The following ASIC2 variants were observed in gnomAD, a reference collection of about 807,000 sequenced individuals.
ASIC2 encodes the protein acid sensing ion channel subunit 2, also known as acid-sensing ion channel 2.
ASIC2 carries 25 observed loss-of-function variants against 57.3 expected under a neutral mutation model. That is an observed-to-expected ratio of 0.44 (90% confidence interval 0.32 to 0.61). The LOEUF (loss-of-function observed/expected upper bound fraction) is 0.61, where lower values mean the gene tolerates loss of function less well. Ranked by LOEUF, ASIC2 falls within the 20% of genes least tolerant of loss-of-function variation. The probability of loss-of-function intolerance (pLI) is 0.06; values close to 1 mark genes in which losing one functional copy is unlikely to be tolerated. For synonymous variants in ASIC2, 319 were observed against 307.5 expected, an observed-to-expected ratio of 1.04 and a Z score of -0.39; for missense variants, 641 against 738.1, an observed-to-expected ratio of 0.87 and a Z score of 1.52.
intron 1 of ASIC2, among the ~76,000 whole-genome samples, chr17:33,597,819 G>A (rs1018289982): frequency 2.0e-5 from 3 of 152,094 alleles, no homozygotes; most frequent in South Asian, 4.1e-4. Flanking sequence ...TCTGTCTCCC[G>A]GCTCATCCCC....
chr17:34,010,988 C>A (rs1478767042), intron 1 of ASIC2, among the ~76,000 whole-genome samples: 2 of 139,152 alleles, frequency 1.4e-5, no homozygotes, highest in East Asian at 4.8e-4. Flanking sequence ...ACACACATAC[C>A]TCTAGTCAGA....
At chr17:34,033,008 G>A (rs1006240835) in intron 1 of ASIC2, among the ~76,000 whole-genome samples, 3 of 152,178 alleles carry the variant, frequency 2.0e-5, no homozygotes, top group African/African-American at 7.2e-5. Flanking sequence ...TCTGCACCAA[G>A]CGGACCTTGT....
intron 1 of ASIC2, among the ~76,000 whole-genome samples, chr17:33,646,829 C>T (rs2067752): frequency 0.22 from 33,834 of 151,570 alleles, 3,855 homozygotes; most frequent in Non-Finnish European, 0.26. Context: ...GTGGAAATGG[C>T]AGAGTGACAG....
intron 1 of ASIC2, among the ~76,000 whole-genome samples, chr17:33,919,921 G>A (rs1199533922): frequency 2.6e-5 from 4 of 152,124 alleles, no homozygotes; most frequent in Admixed American, 6.6e-5. Flanking sequence ...ATGAAAAAAC[G>A]CTCCACATCA....
chr17:34,089,574 C>T (rs975336812), intron 1 of ASIC2, among the ~76,000 whole-genome samples: 1 of 152,168 alleles, frequency 6.6e-6, no homozygotes, highest in African/African-American at 2.4e-5. Flanking sequence ...GAAAAAGGAA[C>T]TGAATTTAAA....
chr17:33,710,679 A>G (rs924337239), intron 1 of ASIC2, among the ~76,000 whole-genome samples: 1 of 152,222 alleles, frequency 6.6e-6, no homozygotes, highest in Non-Finnish European at 1.5e-5. Flanking sequence ...GATTATATAA[A>G]CTAATCATCT....
intron 1 of ASIC2, among the ~76,000 whole-genome samples, chr17:33,186,880 G>A (rs1221213658): frequency 6.6e-6 from 1 of 152,160 alleles, no homozygotes; most frequent in Non-Finnish European, 1.5e-5. Context: ...ATTTTGAAGT[G>A]TTGTCTACTC....
At chr17:33,545,711 C>G (rs1282508953) in intron 1 of ASIC2, among the ~76,000 whole-genome samples, 1 of 152,146 alleles carries the variant, frequency 6.6e-6, no homozygotes, top group South Asian at 2.1e-4. Flanking sequence ...TCAATCAGTC[C>G]TATTTATTAT....
intron 1 of ASIC2, among the ~76,000 whole-genome samples, chr17:34,096,744 C>G (rs1005868795): frequency 6.8e-6 from 1 of 147,822 alleles, no homozygotes; most frequent in African/African-American, 2.5e-5. Context: ...GTAGTCCCAG[C>G]TACTTGGGAG....
At position 33,055,453 on chromosome 17, in the gene ASIC2, C is replaced by A. The variant is rs372976407; in HGVS notation, c.988-27061G>T. On this transcript the variant is annotated intron_variant, in intron 3 of 9. Transcript: ENST00000225823. ...ACTTCCTGCTCCCCCGTCTGCTTCA[C>A]ATTCCTATGTTATGGCTGAATTTTC... Among the ~76,000 whole-genome samples, 7 of 152,356 alleles carry A rather than the reference C, an allele frequency of 4.6e-5. No individual in the cohort carries two copies. The South Asian group carries it at 1.5e-3, about 32-fold the overall frequency.
chr17:33,157,116 CA>C (rs951708040), intron 1 of ASIC2, among the ~76,000 whole-genome samples: 1 of 151,878 alleles, frequency 6.6e-6, no homozygotes, highest in Non-Finnish European at 1.5e-5. Context: ...GTGGTCAAGG[CA>C]AAAAAACCCC....
intron 1 of ASIC2, among the ~76,000 whole-genome samples, chr17:33,977,382 G>A (rs1346345486): frequency 6.6e-6 from 1 of 152,210 alleles, no homozygotes; most frequent in Non-Finnish European, 1.5e-5. Flanking sequence ...GTGGTTCAGT[G>A]ATCTGTGCTG....
At chr17:33,224,781 G>T (rs1907819407) in intron 1 of ASIC2, among the ~76,000 whole-genome samples, 2 of 152,178 alleles carry the variant, frequency 1.3e-5, no homozygotes. Flanking sequence ...GCCTGCAGTT[G>T]CTCAGTTATT....
At chr17:34,027,190 G>A (rs1245782798) in intron 1 of ASIC2, among the ~76,000 whole-genome samples, 1 of 152,204 alleles carries the variant, frequency 6.6e-6, no homozygotes, top group African/African-American at 2.4e-5. Flanking sequence ...TGCTCACTGG[G>A]TTTCCCAAGT....
intron 1 of ASIC2, among the ~76,000 whole-genome samples, chr17:34,140,978 T>G (rs984662804): frequency 2.6e-5 from 4 of 152,040 alleles, no homozygotes; most frequent in African/African-American, 9.7e-5. Flanking sequence ...CTTCATCAAG[T>G]GATAAAACAC....
intron 1 of ASIC2, among the ~76,000 whole-genome samples, chr17:33,642,413 G>C (rs1419370699): frequency 1.3e-5 from 2 of 152,198 alleles, no homozygotes; most frequent in Non-Finnish European, 1.5e-5. Flanking sequence ...CTCTGGAGAA[G>C]GCGGAAGTGG....
chr17:34,146,019 C>T (rs918731579), intron 1 of ASIC2, among the ~76,000 whole-genome samples: 2 of 152,158 alleles, frequency 1.3e-5, no homozygotes, highest in Non-Finnish European at 2.9e-5. Flanking sequence ...AAAGTGTATG[C>T]TAGAATGTGA....
intron 1 of ASIC2, among the ~76,000 whole-genome samples, chr17:33,948,815 T>C (rs939417898): frequency 6.6e-6 from 1 of 152,132 alleles, no homozygotes; most frequent in Admixed American, 6.6e-5. Flanking sequence ...TGCATGAAGA[T>C]AAAAGCACCA....
At chr17:33,228,028 C>T (rs1450812263) in intron 1 of ASIC2, among the ~76,000 whole-genome samples, 1 of 152,108 alleles carries the variant, frequency 6.6e-6, no homozygotes, top group Admixed American at 6.5e-5. Flanking sequence ...TGAAAAGGGA[C>T]TTGAAGGAAT....
Sources: gnomAD v4.1 joint callset for allele counts (sites outside exome capture counted in the v4.1 genomes callset) on GRCh38, gnomAD v4.1.1 for gene constraint, MANE v1.5 for transcripts, NCBI Gene and HGNC (gene_info 2026-07-23, HGNC 2026-07-21) for gene names.